PREP: variants seen among roughly 807,000 people sequenced by gnomAD.
PREP encodes the protein prolyl endopeptidase, also known as dJ355L5.1 (prolyl endopeptidase).
PREP carries 29 observed loss-of-function variants against 87.6 expected under a neutral mutation model. That is an observed-to-expected ratio of 0.33 (90% CI 0.25 to 0.45). The LOEUF (loss-of-function observed/expected upper bound fraction) is 0.45, where lower values mean the gene tolerates loss of function less well. Ranked by LOEUF, PREP falls within the 20% of genes least tolerant of loss-of-function variation. The probability of loss-of-function intolerance (pLI) is 1.00; values close to 1 mark genes in which losing one functional copy is unlikely to be tolerated. For missense variants in PREP, 695 were observed against 886.5 expected (o/e 0.78, Z 2.74); for synonymous variants, 337 against 328.6 (o/e 1.03, Z -0.28).
chr6:105,293,013 T>C (rs1398904423), intron 10 of PREP, among the ~76,000 whole-genome samples: 1 of 152,240 alleles, frequency 6.6e-6, no homozygotes, highest in East Asian at 1.9e-4. Context: ...TTTGATCTTC[T>C]ATCCAGACCA....
At chr6:105,296,837 T>C (rs143477819) in intron 10 of PREP, among the ~76,000 whole-genome samples, 20 of 152,356 alleles carry the variant, frequency 1.3e-4, no homozygotes, top group Middle Eastern at 3.4e-3. Context: ...CAATTTTCTA[T>C]ACTTGGCTGT....
intron 3 of PREP, among the ~76,000 whole-genome samples, chr6:105,376,539 G>T (rs111729558): frequency 6.6e-6 from 1 of 152,168 alleles, no homozygotes; most frequent in African/African-American, 2.4e-5. Flanking sequence ...AATAAAAATT[G>T]ATATTCAAAT....
chr6:105,290,630 C>T (rs538481603), intron 10 of PREP, among the ~76,000 whole-genome samples: 1 of 151,986 alleles, frequency 6.6e-6, no homozygotes, highest in South Asian at 2.1e-4. Flanking sequence ...CATGACAATT[C>T]AACTTCCTCC....
intron 6 of PREP, among the ~76,000 whole-genome samples, chr6:105,365,479 T>G (rs749962082): frequency 1.3e-5 from 2 of 152,120 alleles, no homozygotes; most frequent in Non-Finnish European, 2.9e-5. Flanking sequence ...GAGTGAAGAC[T>G]TGGAACTGGA....
intron 4 of PREP, among the ~76,000 whole-genome samples, chr6:105,375,435 G>A (rs1456731763): frequency 1.3e-5 from 2 of 152,168 alleles, no homozygotes; most frequent in Non-Finnish European, 2.9e-5. Context: ...CAGAACTGGA[G>A]AATAACTTAG....
rs1156558416 is a variant in PREP at position 105,275,389 on chromosome 6, T to C, written c.*2755A>G. On this transcript the variant is annotated 3_prime_UTR_variant, in exon 15 of 15. Coordinates refer to ENST00000652536, the MANE Select transcript of PREP (RefSeq NM_002726.5). Reference sequence around the variant, plus strand: ...GATTAATTGGAAAGTTTTATAATATTCCAGGTAAGTCCATAGTGAACATAA... The same window carrying C: ...GATTAATTGGAAAGTTTTATAATATCCCAGGTAAGTCCATAGTGAACATAA... 6.6e-6 allele frequency among the ~76,000 whole-genome samples: 1 copy of C among 152,224 alleles called. No individual in the cohort carries two copies. The highest frequency in any genetic ancestry group is 2.4e-5 in the African/African-American group (1 of 41,456).
At chr6:105,381,630 C>T (rs1291987106) in intron 2 of PREP, among the ~76,000 whole-genome samples, 2 of 152,088 alleles carry the variant, frequency 1.3e-5, no homozygotes, top group South Asian at 2.1e-4. Context: ...TAAAGAGAGT[C>T]AACAGTTTAG....
At chr6:105,300,041 T>C (rs1339755721) in intron 10 of PREP, among the ~76,000 whole-genome samples, 1 of 152,032 alleles carries the variant, frequency 6.6e-6, no homozygotes, top group Non-Finnish European at 1.5e-5. Context: ...AGAATACAGG[T>C]GTGCACCACC....
chr6:105,351,822 A>C (rs1771960872), intron 7 of PREP, among the ~76,000 whole-genome samples: 1 of 152,164 alleles, frequency 6.6e-6, no homozygotes, highest in Non-Finnish European at 1.5e-5. Context: ...TGATGTGGCC[A>C]ATGCTGGTTT....
At chr6:105,287,504 G>A (rs1411167425) in intron 11 of PREP, among the ~76,000 whole-genome samples, 1 of 151,996 alleles carries the variant, frequency 6.6e-6, no homozygotes, top group African/African-American at 2.4e-5. Context: ...AGATATTCGA[G>A]GTCTACAATT....
At chr6:105,388,140 G>C (rs1487216325) in intron 2 of PREP, among the ~76,000 whole-genome samples, 1 of 151,840 alleles carries the variant, frequency 6.6e-6, no homozygotes, top group Non-Finnish European at 1.5e-5. Context: ...TGCCACTACA[G>C]AAGCCAAAGA....
intron 10 of PREP, among the ~76,000 whole-genome samples, chr6:105,315,439 G>T (rs185665368): frequency 6.6e-6 from 1 of 152,148 alleles, no homozygotes; most frequent in Non-Finnish European, 1.5e-5. Context: ...CTAAAGCATT[G>T]GGATGACAGG....
intron 1 of PREP, among the ~76,000 whole-genome samples, chr6:105,399,597 C>T (rs1464834496): frequency 6.6e-6 from 1 of 152,182 alleles, no homozygotes; most frequent in East Asian, 1.9e-4. Context: ...CAATTCTGAC[C>T]TCTCTAAATT....
At chr6:105,367,665 C>T (rs1347414722) in intron 6 of PREP, among the ~76,000 whole-genome samples, 2 of 143,010 alleles carry the variant, frequency 1.4e-5, no homozygotes. Context: ...GAGCGAGACT[C>T]CGTCTCAAAA....
intron 10 of PREP, among the ~76,000 whole-genome samples, chr6:105,314,515 G>T (rs570542332): frequency 6.6e-6 from 1 of 152,184 alleles, no homozygotes; most frequent in Non-Finnish European, 1.5e-5. Context: ...ATCTCCAGCA[G>T]GAATAGATTC....
chr6:105,356,917 C>G, intron 6 of PREP, among the ~76,000 whole-genome samples: 1 of 152,140 alleles, frequency 6.6e-6, no homozygotes, highest in Admixed American at 6.5e-5. Flanking sequence ...AATCTGTATT[C>G]CATATCCACT....
intron 7 of PREP, among the ~76,000 whole-genome samples, chr6:105,346,259 T>C: frequency 6.6e-6 from 1 of 152,218 alleles, no homozygotes; most frequent in East Asian, 1.9e-4. Flanking sequence ...GCCCAAAGAA[T>C]GTCCAGCCCT....
At chr6:105,361,663 T>C (rs1772249227) in intron 6 of PREP, among the ~76,000 whole-genome samples, 1 of 152,212 alleles carries the variant, frequency 6.6e-6, no homozygotes, top group Non-Finnish European at 1.5e-5. Context: ...GAGTTAATCA[T>C]GCTATTCTCA....
At chr6:105,328,748 C>A in intron 9 of PREP, 81 bp downstream of exon 9, 1 of 1,430,564 alleles carries the variant, frequency 7.0e-7, no homozygotes, top group Non-Finnish European at 9.8e-7. Flanking sequence ...AATAACATAG[C>A]ATTATACTTC....
Sources: allele counts gnomAD v4.1 joint callset (sites outside exome capture counted in the v4.1 genomes callset), GRCh38; gene constraint gnomAD v4.1.1; transcripts MANE v1.5; gene names NCBI Gene and HGNC (gene_info 2026-07-23, HGNC 2026-07-21).